The following CALD1 variants were observed in gnomAD, a reference collection of about 807,000 sequenced individuals.
CALD1 encodes caldesmon.
In CALD1, 33 loss-of-function variants were observed where a neutral mutation model predicts 99.9. That is an observed-to-expected ratio of 0.33 (90% CI 0.25 to 0.44). CALD1 has a LOEUF of 0.44. Among genes scored for constraint, CALD1 ranks in the 20% least tolerant of loss-of-function variants. The pLI, the probability that CALD1 is intolerant of heterozygous loss-of-function variation, is 1.00. For synonymous variants in CALD1, 310 were observed against 325.0 expected, an observed-to-expected ratio of 0.95 and a Z score of 0.50; for missense variants, 861 against 962.1, an observed-to-expected ratio of 0.89 and a Z score of 1.39.
At chr7:134,822,826 A>G (rs1236972096) in intron 1 of CALD1, among the ~76,000 whole-genome samples, 1 of 152,120 alleles carries the variant, frequency 6.6e-6, no homozygotes, top group Non-Finnish European at 1.5e-5. Context: ...TCTATGTTCT[A>G]TTTGGCGATA....
At chr7:134,892,304 G>C (rs1451313132) in intron 3 of CALD1, among the ~76,000 whole-genome samples, 1 of 152,180 alleles carries the variant, frequency 6.6e-6, no homozygotes, top group African/African-American at 2.4e-5. Flanking sequence ...AGAAACCAGA[G>C]GGGCAACTCA....
the CALD1 span, among the ~76,000 whole-genome samples, chr7:134,716,006 G>A: frequency 6.6e-6 from 1 of 152,106 alleles, no homozygotes; most frequent in Admixed American, 6.6e-5. Context: ...TGTGCACAAT[G>A]TGCAGGTTAG....
chr7:134,891,543 C>A, intron 3 of CALD1: 3 of 1,541,256 alleles, frequency 1.9e-6, no homozygotes, highest in Non-Finnish European at 1.8e-6. Flanking sequence ...CCTCCGCGGG[C>A]CCAGCCCACG....
At chr7:134,741,033 G>T (rs377313423), upstream of CALD1, among the ~76,000 whole-genome samples, 4 of 152,132 alleles carry the variant, frequency 2.6e-5, no homozygotes, top group African/African-American at 9.7e-5. Context: ...AAATCTGGGG[G>T]TCAGGGCACA....
intron 3 of CALD1, among the ~76,000 whole-genome samples, chr7:134,878,748 G>GC (rs1384334346): frequency 3.9e-5 from 6 of 152,070 alleles, no homozygotes; most frequent in Non-Finnish European, 8.8e-5. Flanking sequence ...AATCACTTGA[G>GC]CCCAGAAGTT....
chr7:134,966,080 G>A (rs773297630), intron 14 of CALD1, among the ~76,000 whole-genome samples: 1 of 152,064 alleles, frequency 6.6e-6, no homozygotes, highest in Non-Finnish European at 1.5e-5. Flanking sequence ...AATAGACCTC[G>A]TGTTCTCCTT....
chr7:134,929,646 G>GTGTGTGTGTGTATATA (rs1488854871), intron 4 of CALD1, among the ~76,000 whole-genome samples: 4 of 7,918 alleles, frequency 5.1e-4, no homozygotes, highest in African/African-American at 1.2e-3. Flanking sequence ...GTGTGTGTGT[G>GTGTGTGTGTGTATATA]TATATATATA....
At chr7:134,924,837 C>G (rs955957901) in intron 3 of CALD1, among the ~76,000 whole-genome samples, 3 of 152,062 alleles carry the variant, frequency 2.0e-5, no homozygotes, top group Non-Finnish European at 2.9e-5. Flanking sequence ...TGCAGTTTCC[C>G]CCGTGCTATT....
chr7:134,924,774 C>T lies in CALD1; in HGVS notation c.72-3980C>T, dbSNP rs886732415. Among the ~76,000 whole-genome samples the T allele has an allele frequency of 4.6e-5, 7 of 152,238 alleles. No homozygotes were observed. In the East Asian group the frequency reaches 5.8e-4, roughly 13 times the overall value. On this transcript the variant is annotated intron_variant, in intron 3 of 14. Coordinates refer to ENST00000361675, the MANE Select transcript of CALD1 (RefSeq NM_033138.4). ...AAATCTCATCTTGAATTGTACTCCC[C>T]GTAATCTCCATGTGTCAAGAGAGAG...
intron 3 of CALD1, among the ~76,000 whole-genome samples, chr7:134,872,012 C>T (rs1240417235): frequency 6.6e-6 from 1 of 152,194 alleles, no homozygotes; most frequent in Admixed American, 6.5e-5. Flanking sequence ...CCACATATCT[C>T]CTTCTAAGGG....
intron 1 of CALD1, among the ~76,000 whole-genome samples, chr7:134,814,539 C>A (rs1473610510): frequency 6.6e-6 from 1 of 152,142 alleles, no homozygotes. Flanking sequence ...AATTCTGGGG[C>A]TCCCTTTCCC....
chr7:134,865,315 C>T (rs1800754142), intron 2 of CALD1, among the ~76,000 whole-genome samples: 1 of 152,046 alleles, frequency 6.6e-6, no homozygotes, highest in African/African-American at 2.4e-5. Flanking sequence ...TACCGAGAGC[C>T]ATTTTCATAA....
chr7:134,783,662 T>TA lies in CALD1; in HGVS notation c.-130+3918dup. Among the ~76,000 whole-genome samples, 1 of 152,156 alleles carries TA rather than the reference T, an allele frequency of 6.6e-6. No individual in the cohort carries two copies. The highest frequency in any genetic ancestry group is 1.9e-4 in the East Asian group (1 of 5,190). On this transcript the variant is annotated intron_variant, in intron 1 of 14. Transcript: ENST00000361675. The surrounding 1 kb of genome is among the most constrained non-coding windows in gnomAD (Gnocchi z 4.3). ...GCTATGGAAACCTTTGAGAATCTGA[T>TA]AAAAACTGTGAACCCTTAAGGTCCC...
chr7:134,891,712 T>C, intron 3 of CALD1: 2 of 1,228,020 alleles, frequency 1.6e-6, no homozygotes, highest in Non-Finnish European at 2.2e-6. Flanking sequence ...TTTCCTTTCT[T>C]TTTTTTTTTT....
At chr7:134,799,730 C>T (rs571085899) in intron 1 of CALD1, among the ~76,000 whole-genome samples, 12 of 152,066 alleles carry the variant, frequency 7.9e-5, no homozygotes, top group Non-Finnish European at 1.3e-4. Context: ...TGCTTCACAA[C>T]GTGAAAAAAT....
In CALD1 at chr7:134,836,277, C is replaced by A. The variant is rs1174069787; in HGVS notation, c.-129-7607C>A. 4.0e-5 allele frequency among the ~76,000 whole-genome samples: 6 copies of A among 151,572 alleles called. No individual in the cohort carries two copies. The East Asian group carries it at 1.2e-3, about 29-fold the overall frequency. On this transcript the variant is annotated intron_variant, in intron 1 of 14. Coordinates refer to ENST00000361675, the MANE Select transcript of CALD1 (RefSeq NM_033138.4). Reference sequence around the variant, plus strand: ...CATAGTTGCTTCTGTTTGATAAGTTCTATTTATTTAGGAAGCCATACACAG... The same window carrying A: ...CATAGTTGCTTCTGTTTGATAAGTTATATTTATTTAGGAAGCCATACACAG...
chr7:134,854,174 C>A lies in CALD1; in HGVS notation c.-42+10203C>A, dbSNP rs529886286. 1.3e-4 allele frequency among the ~76,000 whole-genome samples: 20 copies of A among 152,128 alleles called. No homozygotes were observed. In the East Asian group the frequency reaches 3.5e-3, roughly 26 times the overall value. ...TGTGAATAGTGCTGCAATAAACATA[C>A]GTGTGCATGTGTCTTTATAGTAGAA... On this transcript the variant is annotated intron_variant, in intron 2 of 14. Coordinates refer to ENST00000361675, the MANE Select transcript of CALD1 (RefSeq NM_033138.4).
chr7:134,851,425 G>A (rs2132221884), intron 2 of CALD1, among the ~76,000 whole-genome samples: 1 of 152,166 alleles, frequency 6.6e-6, no homozygotes, highest in South Asian at 2.1e-4. Flanking sequence ...CTAAACTAGA[G>A]GTCTCAGAAG....
intron 2 of CALD1, among the ~76,000 whole-genome samples, chr7:134,857,346 T>C (rs1363222469): frequency 1.3e-5 from 2 of 151,644 alleles, no homozygotes; most frequent in African/African-American, 4.9e-5. Flanking sequence ...ATTTTTTGTA[T>C]TTTTAGTAGA....
Sources: allele counts gnomAD v4.1 joint callset (sites outside exome capture counted in the v4.1 genomes callset), GRCh38; gene constraint gnomAD v4.1.1; non-coding constraint Gnocchi (gnomAD v3.1); transcripts MANE v1.5; gene names NCBI Gene and HGNC (gene_info 2026-07-23, HGNC 2026-07-21).